ADCY5: variants seen among roughly 807,000 people sequenced by gnomAD.
ADCY5 encodes adenylate cyclase 5, also known as adenylate cyclase type 5.
ADCY5 carries 30 observed loss-of-function variants against 119.7 expected under a neutral mutation model. The observed-to-expected ratio is 0.25, with a 90% CI of 0.19 to 0.34. The LOEUF is 0.34. Ranked by LOEUF, ADCY5 falls within the 10% of genes least tolerant of loss-of-function variation. ADCY5 has a pLI of 1.00. For missense variants in ADCY5, 1,324 were observed against 1,775.2 expected (o/e 0.75, Z 4.57); for synonymous variants, 753 against 762.2 (o/e 0.99, Z 0.20).
chr3:123,415,077 C>T (rs1412459716), intron 1 of ADCY5, among the ~76,000 whole-genome samples: 2 of 152,198 alleles, frequency 1.3e-5, no homozygotes, highest in Non-Finnish European at 2.9e-5. Context: ...AGCCACCCCA[C>T]ATCACCAGGG....
chr3:123,295,306 C>T (rs1016121622), intron 17 of ADCY5, among the ~76,000 whole-genome samples: 1 of 152,210 alleles, frequency 6.6e-6, no homozygotes, highest in African/African-American at 2.4e-5. Flanking sequence ...CCAAGAGAGG[C>T]AGAGGCCGGG....
intron 17 of ADCY5, among the ~76,000 whole-genome samples, chr3:123,292,128 C>T (rs750768347): frequency 6.6e-6 from 1 of 152,206 alleles, no homozygotes; most frequent in East Asian, 1.9e-4. Flanking sequence ...TGTCACACAC[C>T]GAGGTGTGGC....
At chr3:123,428,365 G>A (rs188488183) in intron 1 of ADCY5, among the ~76,000 whole-genome samples, 1 of 152,304 alleles carries the variant, frequency 6.6e-6, no homozygotes, top group Admixed American at 6.5e-5. Context: ...GCAGTCACCT[G>A]AAAATCCCTT....
At position 123,331,967 on chromosome 3, in the gene ADCY5, A is replaced by C. The variant is rs192429320; in HGVS notation, c.1518+597T>G. ...CACCCGTCAGTGGCCACTGACATTT[A>C]ATCACTCTACAAAGGCCTAGAGCTG... On this transcript the variant is annotated intron_variant, in intron 4 of 20. Coordinates refer to ENST00000462833, the MANE Select transcript of ADCY5 (RefSeq NM_183357.3). Among the ~76,000 whole-genome samples the C allele has an allele frequency of 3.0e-3, 460 of 152,224 alleles. 4 individuals are homozygous for C. Among genetic ancestry groups the C allele is most frequent in the African/African-American group, 0.01 (435 of 41,540 alleles).
At chr3:123,410,462 TCTC>T (rs1263420911) in intron 1 of ADCY5, among the ~76,000 whole-genome samples, 2 of 152,142 alleles carry the variant, frequency 1.3e-5, no homozygotes, top group Non-Finnish European at 2.9e-5. Context: ...GAAGGGCTAA[TCTC>T]CTATTATTCC....
At chr3:123,327,538 A>C in intron 7 of ADCY5, 80 bp downstream of exon 7, 1 of 1,385,972 alleles carries the variant, frequency 7.2e-7, no homozygotes, top group Non-Finnish European at 9.8e-7. Flanking sequence ...TCAAGGAAAG[A>C]GAAGGAAGCA....
intron 1 of ADCY5, among the ~76,000 whole-genome samples, chr3:123,427,995 T>C (rs1351958696): frequency 6.6e-6 from 1 of 152,188 alleles, no homozygotes; most frequent in Non-Finnish European, 1.5e-5. Flanking sequence ...AGGAATTTTG[T>C]TGGGAGGCAT....
intron 12 of ADCY5, among the ~76,000 whole-genome samples, chr3:123,312,519 C>T (rs1940642319): frequency 6.6e-6 from 1 of 152,200 alleles, no homozygotes. Context: ...TCACCCCAAA[C>T]AGAAACTCTG....
At chr3:123,333,536 C>T (rs574883886) in intron 3 of ADCY5, among the ~76,000 whole-genome samples, 29 of 152,370 alleles carry the variant, frequency 1.9e-4, no homozygotes, top group Non-Finnish European at 4.0e-4. Flanking sequence ...GGGCCGAGGA[C>T]GCTGCCTCTT....
At position 123,447,852 on chromosome 3, in the gene ADCY5, G is replaced by T; in HGVS notation, c.694C>A (p.Arg232Ser). The T allele has an allele frequency of 6.2e-7, 1 of 1,612,668 alleles. No homozygotes were observed. Among genetic ancestry groups the T allele is most frequent in the Non-Finnish European group, 8.5e-7 (1 of 1,179,708 alleles). The change falls in exon 1 of 21, where the codon CGC (arginine) becomes AGC (serine). Residue 232 changes from arginine to serine, a missense_variant. By Grantham distance (110) the Arg-to-Ser change is moderately radical. Coordinates refer to ENST00000462833, the MANE Select transcript of ADCY5 (RefSeq NM_183357.3). ...CTCTGGTTCAGGCGGAAGAAGTAGC[G>T]CTGGTACAGCCGCTCCAGTTTGTCC... ...PSDKLERLYQ[R>S]YFFRLNQSSL...
At chr3:123,302,911 G>A in intron 14 of ADCY5, 144 bp downstream of exon 14, 1 of 928,822 alleles carries the variant, frequency 1.1e-6, no homozygotes, top group South Asian at 1.7e-5. Context: ...ATGTAGGAGT[G>A]AGAGATACTG....
At chr3:123,305,439 C>T (rs1323033331) in intron 12 of ADCY5, among the ~76,000 whole-genome samples, 1 of 152,134 alleles carries the variant, frequency 6.6e-6, no homozygotes, top group Non-Finnish European at 1.5e-5. Context: ...TATTTGCTGC[C>T]AACTCAAAAA....
chr3:123,288,824 T>C (rs1938950163), intron 19 of ADCY5, among the ~76,000 whole-genome samples: 1 of 152,248 alleles, frequency 6.6e-6, no homozygotes, highest in South Asian at 2.1e-4. Context: ...ATTTTGAAAC[T>C]GATCCAGGAC....
At chr3:123,381,579 C>A (rs925913810) in intron 1 of ADCY5, among the ~76,000 whole-genome samples, 2 of 152,216 alleles carry the variant, frequency 1.3e-5, no homozygotes, top group South Asian at 4.1e-4. Context: ...CTGCACAGGG[C>A]TCCACACTGA....
intron 1 of ADCY5, among the ~76,000 whole-genome samples, chr3:123,429,403 C>T (rs1945475765): frequency 1.3e-5 from 2 of 152,048 alleles, no homozygotes; most frequent in Admixed American, 1.3e-4. Context: ...AAGGAGGATC[C>T]CCCCAACCCT....
At position 123,286,165 on chromosome 3, in the gene ADCY5, C is replaced by T. The variant is rs1355593259; in HGVS notation, c.3657+520G>A. Among the ~76,000 whole-genome samples, 1 of 152,184 alleles carries T rather than the reference C, an allele frequency of 6.6e-6. No homozygotes were observed. Among genetic ancestry groups the T allele is most frequent in the African/African-American group, 2.4e-5 (1 of 41,452 alleles). On this transcript the variant is annotated intron_variant, in intron 20 of 20. Transcript: ENST00000462833. The surrounding 1 kb of genome is among the most constrained non-coding windows in gnomAD (Gnocchi z 4.2). ...TGAAGAACAGCAGGCCGGGAAACCA[C>T]AAGCCCAGCTCGCAAAGGAGGGAGC...
At chr3:123,433,371 G>C (rs1474202842) in intron 1 of ADCY5, among the ~76,000 whole-genome samples, 1 of 152,230 alleles carries the variant, frequency 6.6e-6, no homozygotes, top group African/African-American at 2.4e-5. Context: ...CTTCCACTCA[G>C]CGTGGTGAAA....
chr3:123,438,414 C>T (rs1434321932), intron 1 of ADCY5, among the ~76,000 whole-genome samples: 1 of 152,120 alleles, frequency 6.6e-6, no homozygotes, highest in Non-Finnish European at 1.5e-5. Flanking sequence ...TTCAGTAACC[C>T]ATGGTCAACC....
intron 1 of ADCY5, among the ~76,000 whole-genome samples, chr3:123,409,650 A>G (rs1177234847): frequency 1.3e-5 from 2 of 152,160 alleles, no homozygotes; most frequent in Non-Finnish European, 2.9e-5. Context: ...CATGCAAATT[A>G]TTGGGCTCCA....
Sources: allele counts gnomAD v4.1 joint callset (sites outside exome capture counted in the v4.1 genomes callset), GRCh38; gene constraint gnomAD v4.1.1; non-coding constraint Gnocchi (gnomAD v3.1); transcripts MANE v1.5; gene names NCBI Gene and HGNC (gene_info 2026-07-23, HGNC 2026-07-21).